The following ATF6 variants were observed in gnomAD, a reference collection of about 807,000 sequenced individuals.
ATF6 encodes activating transcription factor 6, also known as cyclic AMP-dependent transcription factor ATF-6 alpha.
Under a neutral mutation model 83.6 loss-of-function variants are expected in ATF6, and 53 were observed. The observed-to-expected ratio is 0.63, with a 90% CI of 0.51 to 0.80. ATF6 has a LOEUF of 0.80. Ranked by LOEUF, ATF6 falls within the 30% of genes least tolerant of loss-of-function variation. The pLI is 0.00. For synonymous variants in ATF6, 288 were observed against 285.8 expected, an observed-to-expected ratio of 1.01 and a Z score of -0.08; for missense variants, 744 against 797.9, an observed-to-expected ratio of 0.93 and a Z score of 0.81.
chr1:161,950,154 T>G (rs2101917828), intron 15 of ATF6, among the ~76,000 whole-genome samples: 1 of 152,358 alleles, frequency 6.6e-6, no homozygotes, highest in East Asian at 1.9e-4. Flanking sequence ...ATTTTATCAG[T>G]AAAACATATG....
chr1:161,942,433 T>G (rs1240840041), intron 15 of ATF6, among the ~76,000 whole-genome samples: 2 of 152,208 alleles, frequency 1.3e-5, no homozygotes, highest in Admixed American at 1.3e-4. Flanking sequence ...GTGTGTTGCA[T>G]GTGATAGGTA....
chr1:161,934,413 G>T (rs1008392517), intron 15 of ATF6, among the ~76,000 whole-genome samples: 1 of 152,230 alleles, frequency 6.6e-6, no homozygotes, highest in Non-Finnish European at 1.5e-5. Context: ...GTGCTTCAAA[G>T]TGACATAGCA....
chr1:161,807,619 A>G (rs1557970982), intron 7 of ATF6, among the ~76,000 whole-genome samples: 1 of 152,214 alleles, frequency 6.6e-6, no homozygotes, highest in Admixed American at 6.5e-5. Context: ...CTGCAAATAA[A>G]AGAAAATATG....
intron 15 of ATF6, among the ~76,000 whole-genome samples, chr1:161,930,560 A>T (rs1230777740): frequency 6.6e-6 from 1 of 152,226 alleles, no homozygotes; most frequent in African/African-American, 2.4e-5. Context: ...AATTTTTGAG[A>T]CATTCTATAT....
chr1:161,827,572 C>A (rs1056726932), intron 9 of ATF6, among the ~76,000 whole-genome samples: 1 of 151,362 alleles, frequency 6.6e-6, no homozygotes, highest in Non-Finnish European at 1.5e-5. Flanking sequence ...ATCACATTAC[C>A]GAGTAAAGTG....
chr1:161,846,361 A>C lies in ATF6; in HGVS notation c.1188-88A>C, dbSNP rs776401616. 3.9e-5 allele frequency: 55 copies of C among 1,403,094 alleles called. 1 individual carries two copies. Among genetic ancestry groups the C allele is most frequent in the African/African-American group, 5.8e-5 (4 of 68,776 alleles). 86.9% of individuals were successfully genotyped at this position (1,403,094 alleles called of 1,614,324 possible). On this transcript the variant is annotated intron_variant, in intron 9 of 15. Coordinates refer to ENST00000367942, the MANE Select transcript of ATF6 (RefSeq NM_007348.4). The stretch of plus-strand genomic sequence containing the variant: ...TGTTACGTGCATGGATCTGCAAAGG[A>C]ATTGTGGTTTGTTTCACAGCTGCAT...
intron 9 of ATF6, among the ~76,000 whole-genome samples, chr1:161,831,366 A>T (rs1019634575): frequency 6.6e-6 from 1 of 152,196 alleles, no homozygotes; most frequent in East Asian, 1.9e-4. Flanking sequence ...ATTAGTTCAA[A>T]CATTGTGGAA....
At chr1:161,801,092 A>T (rs1457464411) in intron 6 of ATF6, among the ~76,000 whole-genome samples, 1 of 152,104 alleles carries the variant, frequency 6.6e-6, no homozygotes, top group East Asian at 1.9e-4. Flanking sequence ...TTGTGTCAGC[A>T]CTCAAAAAGT....
chr1:161,839,698 A>T (rs565010693), intron 9 of ATF6, among the ~76,000 whole-genome samples: 1 of 152,266 alleles, frequency 6.6e-6, no homozygotes, highest in South Asian at 2.1e-4. Flanking sequence ...AATGGTGATC[A>T]CTGTAAGGCA....
At chr1:161,917,241 TAAG>T (rs1688118519) in intron 15 of ATF6, among the ~76,000 whole-genome samples, 1 of 152,148 alleles carries the variant, frequency 6.6e-6, no homozygotes, top group Non-Finnish European at 1.5e-5. Context: ...AAAGGAAAGA[TAAG>T]AAGGACAAAA....
At position 161,919,012 on chromosome 1, in the gene ATF6, C is replaced by T. The variant is rs142755308; in HGVS notation, c.1804+6632C>T. ...AGCCATGGAAGAAAGTTTCAGAAAT[C>T]GCTAAAGAGAGTAGGATATGGGTGT... On this transcript the variant is annotated intron_variant, in intron 15 of 15. Coordinates refer to ENST00000367942, the MANE Select transcript of ATF6 (RefSeq NM_007348.4). Among the ~76,000 whole-genome samples, 6 of 152,260 alleles carry T rather than the reference C, an allele frequency of 3.9e-5. No individual in the cohort carries two copies. In the East Asian group the frequency reaches 9.6e-4, roughly 24 times the overall value.
At chr1:161,796,837 C>G (rs1685031814) in intron 6 of ATF6, among the ~76,000 whole-genome samples, 1 of 151,878 alleles carries the variant, frequency 6.6e-6, no homozygotes, top group Admixed American at 6.6e-5. Flanking sequence ...TTGACTTCCT[C>G]TCTTCATATT....
chr1:161,812,371 CTTTTTTTTT>C (rs869240831), intron 7 of ATF6, among the ~76,000 whole-genome samples: 49 of 34,366 alleles, frequency 1.4e-3, no homozygotes, highest in Admixed American at 2.9e-3. Flanking sequence ...CAGGTATTTT[CTTTTTTTTT>C]TTTTTTTTTT....
intron 14 of ATF6, among the ~76,000 whole-genome samples, chr1:161,900,686 G>A (rs1320105621): frequency 2.6e-5 from 4 of 152,026 alleles, no homozygotes; most frequent in Non-Finnish European, 1.5e-5. Flanking sequence ...TCTCCTTAAT[G>A]TTATAGTGTA....
chr1:161,818,429 A>G (rs1685669671), intron 7 of ATF6, among the ~76,000 whole-genome samples: 2 of 152,220 alleles, frequency 1.3e-5, no homozygotes. Context: ...GTATTAAACA[A>G]AAAAGTAGGA....
intron 10 of ATF6, among the ~76,000 whole-genome samples, chr1:161,849,564 T>C (rs1445385040): frequency 6.6e-6 from 1 of 152,174 alleles, no homozygotes; most frequent in Non-Finnish European, 1.5e-5. Flanking sequence ...AGACTTTCCT[T>C]TTGTGTTACT....
Position 161,958,499 on chromosome 1 carries a change from G to T in ATF6, c.1858G>T (p.Val620Leu), listed in dbSNP as rs773722966. 1 of 1,613,574 alleles carries T rather than the reference G, an allele frequency of 6.2e-7. No homozygotes were observed. Among genetic ancestry groups the T allele is most frequent in the Non-Finnish European group, 8.5e-7 (1 of 1,179,656 alleles). The change falls in exon 16 of 16, where the codon GTG becomes TTG. Residue 620 changes from valine to leucine, a missense_variant. Physicochemically the swap from Val to Leu is conservative, Grantham distance 32. Transcript: ENST00000367942. The stretch of plus-strand genomic sequence containing the variant: ...AGTGATGATGCAGATTGACTGTCAG[G>T]TGATGGACACCAGGATCCTCCATAT... ...YEVMMQIDCQVMDTRILHIKS... is the reference protein window; with the variant it reads ...YEVMMQIDCQLMDTRILHIKS...
At chr1:161,792,388 T>G in intron 6 of ATF6, 61 bp downstream of exon 6, 1 of 1,481,350 alleles carries the variant, frequency 6.8e-7, no homozygotes, top group East Asian at 2.3e-5. Context: ...GGTTGTGTCA[T>G]ATGATTTGTT....
chr1:161,946,752 G>C (rs890360153), intron 15 of ATF6, among the ~76,000 whole-genome samples: 26 of 152,078 alleles, frequency 1.7e-4, no homozygotes, highest in African/African-American at 6.3e-4. Flanking sequence ...TAATGTGGCA[G>C]GTCTTCTAAA....
Sources: gnomAD v4.1 joint callset for allele counts (sites outside exome capture counted in the v4.1 genomes callset) on GRCh38, gnomAD v4.1.1 for gene constraint, MANE v1.5 for transcripts, NCBI Gene and HGNC (gene_info 2026-07-23, HGNC 2026-07-21) for gene names.